Variants in TPGS2 observed in about 807,000 individuals in gnomAD.
TPGS2 encodes the protein tubulin polyglutamylase complex subunit 2.
A neutral mutation model predicts 31.1 loss-of-function variants in TPGS2; 26 were observed. That is an observed-to-expected ratio of 0.84 (90% confidence interval 0.61 to 1.16). TPGS2 has a LOEUF of 1.16. TPGS2 is among the 50% of genes most tolerant of loss of function. The pLI, the probability that TPGS2 is intolerant of heterozygous loss-of-function variation, is 0.00. For synonymous variants in TPGS2, 130 were observed against 136.6 expected (o/e 0.95, Z 0.34); for missense variants, 351 against 363.8 (o/e 0.96, Z 0.29).
At chr18:36,803,292 C>CA (rs1251470817) in intron 4 of TPGS2, among the ~76,000 whole-genome samples, 9 of 152,206 alleles carry the variant, frequency 5.9e-5, no homozygotes, top group African/African-American at 2.2e-4. Context: ...CTCCCCACCC[C>CA]AAGCCTCTGG....
intron 2 of TPGS2, among the ~76,000 whole-genome samples, chr18:36,810,633 C>G (rs1002550282): frequency 6.6e-6 from 1 of 152,176 alleles, no homozygotes; most frequent in Non-Finnish European, 1.5e-5. Context: ...TCTGAACTAA[C>G]AGCTGATTGC....
chr18:36,791,885 A>G (rs1275863893), downstream of TPGS2, among the ~76,000 whole-genome samples: 3 of 152,090 alleles, frequency 2.0e-5, no homozygotes, highest in East Asian at 1.9e-4. Context: ...TGATAAAAAT[A>G]TTAACCAGGT....
chr18:36,783,237 ATTCT>A, intron 6 of TPGS2: 1 of 388,540 alleles, frequency 2.6e-6, no homozygotes, highest in Non-Finnish European at 4.5e-6. Context: ...GATGCCACTC[ATTCT>A]GACAGCCTCT....
intron 1 of TPGS2, among the ~76,000 whole-genome samples, chr18:36,827,223 G>A (rs1445620278): frequency 6.6e-6 from 1 of 151,964 alleles, no homozygotes; most frequent in Non-Finnish European, 1.5e-5. Context: ...CTTGGTCTTG[G>A]ACTTCTATTA....
intron 3 of TPGS2, among the ~76,000 whole-genome samples, chr18:36,806,957 G>C (rs1433622539): frequency 6.7e-6 from 1 of 149,214 alleles, no homozygotes; most frequent in African/African-American, 2.5e-5. Flanking sequence ...TGTGTAGGTA[G>C]AAGGCCGAGG....
chr18:36,790,599 T>C (rs1046186957), downstream of TPGS2, among the ~76,000 whole-genome samples: 1 of 152,198 alleles, frequency 6.6e-6, no homozygotes, highest in Non-Finnish European at 1.5e-5. Flanking sequence ...AGACAATGTT[T>C]GGATGCCAAG....
intron 4 of TPGS2, among the ~76,000 whole-genome samples, chr18:36,803,749 T>G (rs1265733185): frequency 6.6e-6 from 1 of 152,228 alleles, no homozygotes; most frequent in African/African-American, 2.4e-5. Flanking sequence ...ATACATATAC[T>G]CCTCTTCAAT....
rs747720769 is a variant in TPGS2 at position 36,805,512 on chromosome 18, C to T, written c.254-10G>A. 6.2e-7 allele frequency: 1 copy of T among 1,613,900 alleles called. No homozygotes were observed. The highest frequency in any genetic ancestry group is 2.2e-5 in the East Asian group (1 of 44,880). On this transcript the variant is annotated splice_polypyrimidine_tract_variant and intron_variant, in intron 3 of 6. Transcript: ENST00000334295. ...AGTGGAATGATGTGCTCTAGGGGAA[C>T]ATGCGTTAAGGAGAATTACATGGAG...
At chr18:36,780,801 A>G (rs115073466), downstream of TPGS2, among the ~76,000 whole-genome samples, 162 of 152,322 alleles carry the variant, frequency 1.1e-3, 1 homozygote, top group African/African-American at 3.8e-3. Flanking sequence ...GTGCCCCTCT[A>G]TAGGGCACTT....
chr18:36,819,023 C>T lies in TPGS2; in HGVS notation c.86-50G>A, dbSNP rs775756954. ...GAGTTGCAATTGGTCCGCTGTCATA[C>T]ATTTCTACGCTAGTTGTTGACTAAC... is the stretch of plus-strand genomic sequence containing the variant. On this transcript the variant is annotated intron_variant, in intron 1 of 6. Transcript: ENST00000334295. 4.1e-6 allele frequency: 6 copies of T among 1,453,666 alleles called. No homozygotes were observed. The South Asian group carries it at 5.9e-5, about 14-fold the overall frequency. The allele number at this position is 1,453,666 out of a possible 1,614,324, so 90.0% of individuals were successfully genotyped here. A position where few individuals can be genotyped will look rare whatever the true frequency, so the allele number is the denominator to read the frequency against.
At chr18:36,802,264 A>G (rs188980691) in intron 4 of TPGS2, among the ~76,000 whole-genome samples, 1 of 152,310 alleles carries the variant, frequency 6.6e-6, no homozygotes, top group East Asian at 1.9e-4. Context: ...CCTGGTGCTG[A>G]CTGAGGTCTG....
At position 36,787,020 on chromosome 18, in the gene TPGS2, C is replaced by T. The variant is rs918862058; in HGVS notation, c.658-3889G>A. 13 of 1,234,124 alleles carry T rather than the reference C, an allele frequency of 1.1e-5. No homozygotes were observed. The African/African-American group carries it at 2.0e-4, about 19-fold the overall frequency. The allele number at this position is 1,234,124 out of a possible 1,614,324, so 76.4% of individuals were successfully genotyped here. On this transcript the variant is annotated intron_variant, in intron 6 of 6. Transcript: ENST00000587129. ...AGCTCCTCAGCTCCCATTGGAGGGGCTCAACAGCCAGTTTCCAGTGAACAC... is the reference window on the plus strand; with the variant it reads ...AGCTCCTCAGCTCCCATTGGAGGGGTTCAACAGCCAGTTTCCAGTGAACAC...
At chr18:36,828,260 C>A (rs1192042408) in intron 1 of TPGS2, among the ~76,000 whole-genome samples, 1 of 152,172 alleles carries the variant, frequency 6.6e-6, no homozygotes, top group African/African-American at 2.4e-5. Context: ...CTTTCAGACC[C>A]GACGTAGTTG....
chr18:36,796,959 T>C lies in TPGS2; in HGVS notation c.749A>G (p.Lys250Arg). 6.2e-7 allele frequency: 1 copy of C among 1,605,628 alleles called. No individual in the cohort carries two copies. Among genetic ancestry groups the C allele is most frequent in the Non-Finnish European group, 8.5e-7 (1 of 1,177,422 alleles). The change falls in exon 7 of 7, where the codon AAA (lysine) becomes AGA (arginine). Residue 250 changes from lysine to arginine, a missense_variant. Physicochemically the swap from Lys to Arg is conservative, Grantham distance 26. Transcript: ENST00000334295. ...GATCTTGTTCTTGCTCTTAAACACTTTGCTGGGATCTAGCTTATTCACAAA... is the reference window on the plus strand; with the variant it reads ...GATCTTGTTCTTGCTCTTAAACACTCTGCTGGGATCTAGCTTATTCACAAA... The part of the protein sequence containing the change: ...DSFVNKLDPS[K>R]VFKSKNKIVI...
At chr18:36,810,217 T>C (rs1408772764) in intron 2 of TPGS2, among the ~76,000 whole-genome samples, 4 of 152,192 alleles carry the variant, frequency 2.6e-5, no homozygotes, top group Admixed American at 2.6e-4. Context: ...TCCTACTGCA[T>C]GTAGCTCTTC....
intron 2 of TPGS2, chr18:36,818,450 C>G (rs983109465): frequency 1.1e-4 from 17 of 152,376 alleles, no homozygotes; most frequent in African/African-American, 4.1e-4. Flanking sequence ...GGCTCAACAC[C>G]AAGCACAATG....
In TPGS2 at chr18:36,795,684, T is replaced by G. The variant is rs2044495156; in HGVS notation, c.*1121A>C. On this transcript the variant is annotated 3_prime_UTR_variant, in exon 7 of 7. Coordinates refer to ENST00000334295, the MANE Select transcript of TPGS2 (RefSeq NM_015476.4). ...ATATTAAGCATATGTGGGCTAGAGG[T>G]TCCCCCATATGTCAATGGGAAAATG... is the stretch of plus-strand genomic sequence containing the variant. 5 of 985,274 alleles carry G rather than the reference T, an allele frequency of 5.1e-6. No individual in the cohort carries two copies. Among genetic ancestry groups the G allele is most frequent in the Non-Finnish European group, 6.0e-6 (5 of 829,898 alleles). 61.0% of individuals were successfully genotyped at this position (985,274 alleles called of 1,614,324 possible). A position where few individuals can be genotyped will look rare whatever the true frequency, so the allele number is the denominator to read the frequency against.
intron 5 of TPGS2, among the ~76,000 whole-genome samples, chr18:36,799,156 A>G (rs1310002751): frequency 6.6e-6 from 1 of 152,096 alleles, no homozygotes; most frequent in Non-Finnish European, 1.5e-5. Flanking sequence ...CTTCAAGCCT[A>G]TCTTACTTCC....
intron 6 of TPGS2, chr18:36,798,242 A>C (rs2044628406): frequency 7.2e-7 from 1 of 1,396,330 alleles, no homozygotes; most frequent in Admixed American, 2.9e-5. Flanking sequence ...TCTGAGAATC[A>C]GTCAAGTTTG....
Sources: allele counts gnomAD v4.1 joint callset (sites outside exome capture counted in the v4.1 genomes callset), GRCh38; gene constraint gnomAD v4.1.1; transcripts MANE v1.5; gene names NCBI Gene and HGNC (gene_info 2026-07-23, HGNC 2026-07-21).